The following MYH4 variants were observed in gnomAD, a reference collection of about 807,000 sequenced individuals.
MYH4 encodes myosin heavy chain 4.
Under a neutral mutation model 229.9 loss-of-function variants are expected in MYH4, and 200 were observed. The observed-to-expected ratio is 0.87, with a 90% CI of 0.78 to 0.98. MYH4 has a LOEUF of 0.98. Ranked by LOEUF, MYH4 falls within the 50% of genes least tolerant of loss-of-function variation. The pLI, the probability that MYH4 is intolerant of heterozygous loss-of-function variation, is 0.00. For missense variants in MYH4, 2,148 were observed against 2,332.6 expected (o/e 0.92, Z 1.63); for synonymous variants, 761 against 834.6 (o/e 0.91, Z 1.52).
In MYH4 at chr17:10,460,102, C is replaced by G; in HGVS notation, c.1267-1G>C. On this transcript the variant is annotated splice_acceptor_variant, in intron 13 of 39. Transcript: ENST00000255381. LOFTEE classifies it high-confidence loss of function. ...CCAGAGCACCCACTGCATTGTACAC[C>G]TTCAACAGAAGTGATAGTTTAGTTT... The G allele has an allele frequency of 1.4e-5, 23 of 1,614,184 alleles. No homozygotes were observed. The highest frequency in any genetic ancestry group is 1.9e-5 in the Non-Finnish European group (23 of 1,180,026).
chr17:10,464,668 G>A lies in MYH4; in HGVS notation c.533+13C>T, dbSNP rs530413180. ...ATGATCAAAACAGAAAGAAAGTAAC[G>A]AAATCTACATACGTAATCAAGATTG... On this transcript the variant is annotated intron_variant, in intron 6 of 39. Coordinates refer to ENST00000255381, the MANE Select transcript of MYH4 (RefSeq NM_017533.2). 222 of 1,613,598 alleles carry A rather than the reference G, an allele frequency of 1.4e-4. No homozygotes were observed. Among genetic ancestry groups the A allele is most frequent in the Admixed American group, 1.7e-4 (10 of 60,004 alleles).
In MYH4 at chr17:10,452,845, G is replaced by A; in HGVS notation, c.3199C>T (p.Gln1067Ter). The A allele has an allele frequency of 6.2e-7, 1 of 1,608,716 alleles. No individual in the cohort carries two copies. Among genetic ancestry groups the A allele is most frequent in the Non-Finnish European group, 8.5e-7 (1 of 1,179,102 alleles). ...TTTTCTGTATCCATTGTGGATTCTT[G>A]GGCCAATTTTAGGTCACCCTCCAGT... ...RKLEGDLKLA[Q>*]ESTMDTENDK... The change falls in exon 25 of 40, where the codon CAA (glutamine) becomes TAA (stop). Residue 1067 changes from glutamine (Q) to a stop codon, truncating the protein, a stop_gained. Transcript: ENST00000255381. LOFTEE classifies it high-confidence loss of function.
intron 33 of MYH4, 123 bp downstream of exon 33, chr17:10,448,273 A>G (rs1567698817): frequency 7.5e-7 from 1 of 1,338,402 alleles, no homozygotes; most frequent in Non-Finnish European, 1.0e-6. Flanking sequence ...TCAAGGTACA[A>G]TTCAGTATTT....
intron 1 of MYH4, 53 bp from the exon 2 acceptor site, chr17:10,469,389 C>T (rs1269655747): frequency 6.6e-6 from 1 of 152,056 alleles, no homozygotes; most frequent in African/African-American, 2.4e-5. Context: ...CATTTAATCA[C>T]AAAATACTAG....
rs774158720 is a variant in MYH4 at position 10,452,022 on chromosome 17, C to T, written c.3657G>A (p.Gln1219=). ...EQIDSLQRVK[Q]KLEKEKSELK... The stretch of plus-strand genomic sequence containing the variant: ...GCTCACTCTTTTCCTTCTCCAGCTT[C>T]TGCTTGACCCGCTGAAGGCTGTCAA... Residue 1219 remains glutamine (Q), a synonymous_variant, in exon 27 of 40, where the codon CAG becomes CAA. Coordinates refer to ENST00000255381, the MANE Select transcript of MYH4 (RefSeq NM_017533.2). 3 of 1,613,868 alleles carry T rather than the reference C, an allele frequency of 1.9e-6. No individual in the cohort carries two copies. Among genetic ancestry groups the T allele is most frequent in the East Asian group, 4.5e-5 (2 of 44,834 alleles).
In MYH4 at chr17:10,443,719, G is replaced by A. The variant is rs1338235321; in HGVS notation, c.5668-192C>T. Among the ~76,000 whole-genome samples, 5 of 152,050 alleles carry A rather than the reference G, an allele frequency of 3.3e-5. No individual in the cohort carries two copies. Among genetic ancestry groups the A allele is most frequent in the East Asian group, 1.9e-4 (1 of 5,188 alleles). On this transcript the variant is annotated intron_variant, in intron 39 of 39. Transcript: ENST00000255381. The surrounding 1 kb of genome is among the most constrained non-coding windows in gnomAD (Gnocchi z 4.6). ...GTGGATCACCTGAGGTCAGGAATTC[G>A]AGACCAGCCTGGCCAACATGGTGAA...
chr17:10,464,300 G>A (rs2072736193), intron 7 of MYH4, among the ~76,000 whole-genome samples, 172 bp downstream of exon 7: 1 of 152,090 alleles, frequency 6.6e-6, no homozygotes, highest in African/African-American at 2.4e-5. Context: ...ATTCTCTTAG[G>A]ACAATGGCCT....
Position 10,453,316 on chromosome 17 carries a change from T to C in MYH4, c.2947A>G (p.Thr983Ala), listed in dbSNP as rs763002531. ...TCATCCAGACCTGCCATCTCTTCTG[T>C]GAGGTTTTTCACCTTTAGATTAGAA... is the stretch of plus-strand genomic sequence containing the variant. Reference protein sequence around the residue: ...HATENKVKNLTEEMAGLDETI... With the variant: ...HATENKVKNLAEEMAGLDETI... Residue 983 changes from threonine (T) to alanine (A), a missense_variant, in exon 24 of 40, where the codon ACA becomes GCA. By Grantham distance (58) the Thr-to-Ala change is moderately conservative. Coordinates refer to ENST00000255381, the MANE Select transcript of MYH4 (RefSeq NM_017533.2). 5.0e-6 allele frequency: 8 copies of C among 1,614,014 alleles called. No individual in the cohort carries two copies. The South Asian group carries it at 8.8e-5, about 18-fold the overall frequency.
chr17:10,448,354 C>A, intron 33 of MYH4, 42 bp downstream of exon 33: 2 of 1,577,414 alleles, frequency 1.3e-6, no homozygotes, highest in South Asian at 2.4e-5. Flanking sequence ...TATTAATTTT[C>A]AATTTATTTA....
chr17:10,454,865 A>G, intron 21 of MYH4, 55 bp from the exon 22 acceptor site: 1 of 1,610,104 alleles, frequency 6.2e-7, no homozygotes, highest in Non-Finnish European at 8.5e-7. Flanking sequence ...AGTGATCATC[A>G]CTCAACAAAA....
chr17:10,461,440 A>G (rs1219376833), intron 11 of MYH4, among the ~76,000 whole-genome samples: 1 of 151,904 alleles, frequency 6.6e-6, no homozygotes, highest in Non-Finnish European at 1.5e-5. Context: ...TCTTTTCTCC[A>G]GTCTCACGAG....
At position 10,443,396 on chromosome 17, in the gene MYH4, T is replaced by C. The variant is rs143976560; in HGVS notation, c.5799A>G (p.Thr1933=). The C allele has an allele frequency of 1.9e-6, 3 of 1,614,006 alleles. No homozygotes were observed. In the African/African-American group the frequency reaches 4.0e-5, roughly 22 times the overall value. ...TGAATTACTCTTCACTTATGACTTTTGTGTGAACCTCCCGACTCTTCACTC... is the reference window on the plus strand; with the variant it reads ...TGAATTACTCTTCACTTATGACTTTCGTGTGAACCTCCCGACTCTTCACTC... The part of the protein sequence containing the change: ...KLRVKSREVH[T]KVISEE Residue 1933 remains threonine (T), a synonymous_variant, in exon 40 of 40, where the codon ACA becomes ACG. Transcript: ENST00000255381. The surrounding 1 kb of genome is among the most constrained non-coding windows in gnomAD (Gnocchi z 4.6).
intron 8 of MYH4, 49 bp from the exon 9 acceptor site, chr17:10,463,450 A>T (rs902089969): frequency 6.3e-7 from 1 of 1,590,386 alleles, no homozygotes; most frequent in East Asian, 2.2e-5. Flanking sequence ...ATCAGAAACT[A>T]TTTCTTTAGC....
intron 35 of MYH4, 56 bp downstream of exon 35, chr17:10,446,957 C>G (rs113483057): frequency 1.3e-6 from 2 of 1,538,236 alleles, no homozygotes; most frequent in Non-Finnish European, 1.8e-6. Flanking sequence ...CTTATCTTCT[C>G]AAATTATCTT....
At chr17:10,459,877 AT>A in intron 14 of MYH4, 74 bp downstream of exon 14, 1 of 1,609,276 alleles carries the variant, frequency 6.2e-7, no homozygotes, top group Non-Finnish European at 8.5e-7. Context: ...TGTAAGGTAC[AT>A]TTTGTAAATG....
At chr17:10,464,347 T>C (rs1174118113) in intron 7 of MYH4, 125 bp downstream of exon 7, 1 of 832,790 alleles carries the variant, frequency 1.2e-6, no homozygotes, top group African/African-American at 1.7e-5. Context: ...TTTGATCTTT[T>C]TTAAGGCTGC....
chr17:10,459,169 T>G, intron 15 of MYH4, 82 bp downstream of exon 15: 1 of 1,605,536 alleles, frequency 6.2e-7, no homozygotes, highest in Non-Finnish European at 8.5e-7. Flanking sequence ...TGCTTGTTCT[T>G]TGAGAACAGG....
intron 2 of MYH4, among the ~76,000 whole-genome samples, chr17:10,467,376 G>C (rs2072778727): frequency 6.6e-6 from 1 of 152,158 alleles, no homozygotes; most frequent in African/African-American, 2.4e-5. Context: ...CTAGTTAACT[G>C]ACAGGTATTA....
In MYH4 at chr17:10,447,106, G is replaced by A; in HGVS notation, c.5076C>T (p.Leu1692=). Residue 1692 remains leucine, a synonymous_variant, in exon 35 of 40, where the codon CTC becomes CTT. Transcript: ENST00000255381. ...TCTCAGTCCGTTCCAGGGATGCCCT[G>A]AGCTCTTCAACTTCAGCCTGCATCA... The part of the protein sequence containing the change: ...ANLMQAEVEE[L]RASLERTERG... 2.5e-6 allele frequency: 4 copies of A among 1,614,102 alleles called. No homozygotes were observed. The highest frequency in any genetic ancestry group is 2.5e-6 in the Non-Finnish European group (3 of 1,180,014).
Sources: allele counts gnomAD v4.1 joint callset (sites outside exome capture counted in the v4.1 genomes callset), GRCh38; gene constraint gnomAD v4.1.1; non-coding constraint Gnocchi (gnomAD v3.1); transcripts MANE v1.5; gene names NCBI Gene and HGNC (gene_info 2026-07-23, HGNC 2026-07-21).